The following FGF14 variants were observed in gnomAD, a reference collection of about 807,000 sequenced individuals.
FGF14 encodes fibroblast growth factor homologous factor 4.
In FGF14, 5 loss-of-function variants were observed where a neutral mutation model predicts 25.5. The ratio of observed to expected loss-of-function variants is 0.20; its 90% CI spans 0.10 to 0.41. The LOEUF is 0.41. FGF14 is among the 10% of genes least tolerant of loss of function. FGF14 has a pLI of 1.00. For missense variants in FGF14, 222 were observed against 320.1 expected (o/e 0.69, Z 2.34); for synonymous variants, 138 against 118.3 (o/e 1.17, Z -1.08).
At chr13:102,125,235 T>C (rs1209924528) in intron 1 of FGF14, among the ~76,000 whole-genome samples, 1 of 152,210 alleles carries the variant, frequency 6.6e-6, no homozygotes. Flanking sequence ...CTCCAATTTG[T>C]TAGTCAATTA....
intron 1 of FGF14, among the ~76,000 whole-genome samples, chr13:102,274,899 T>TAATAAATA (rs953397155): frequency 1.3e-5 from 2 of 151,134 alleles, no homozygotes; most frequent in African/African-American, 4.8e-5. Context: ...ATTTAATAAA[T>TAATAAATA]AATAAATAAT....
intron 1 of FGF14, among the ~76,000 whole-genome samples, chr13:102,376,855 A>C (rs2139145247): frequency 6.6e-6 from 1 of 152,282 alleles, no homozygotes; most frequent in Admixed American, 6.5e-5. Context: ...CATGTTTTCC[A>C]ATGATATTCC....
At chr13:101,806,526 C>T (rs528917484) in intron 3 of FGF14, among the ~76,000 whole-genome samples, 64 of 149,540 alleles carry the variant, frequency 4.3e-4, no homozygotes, top group African/African-American at 1.6e-3. Flanking sequence ...ATTAAAAAAT[C>T]ATCTTAGCAT....
intron 3 of FGF14, among the ~76,000 whole-genome samples, chr13:101,859,944 C>A (rs1042785673): frequency 6.6e-6 from 1 of 152,000 alleles, no homozygotes; most frequent in African/African-American, 2.4e-5. Flanking sequence ...ACAGTTTTAT[C>A]TATTTTTATT....
chr13:102,047,108 A>G (rs534208542), intron 1 of FGF14, among the ~76,000 whole-genome samples: 2 of 152,336 alleles, frequency 1.3e-5, no homozygotes, highest in South Asian at 4.1e-4. Flanking sequence ...AAACTGAATA[A>G]ATAGTATATT....
chr13:101,734,749 G>A (rs2036059147), intron 3 of FGF14, among the ~76,000 whole-genome samples: 1 of 152,094 alleles, frequency 6.6e-6, no homozygotes, highest in South Asian at 2.1e-4. Flanking sequence ...CGTATGGGAT[G>A]ACACTATTAT....
intron 3 of FGF14, among the ~76,000 whole-genome samples, chr13:101,804,620 A>T (rs996563718): frequency 1.3e-5 from 2 of 152,160 alleles, no homozygotes; most frequent in Non-Finnish European, 2.9e-5. Flanking sequence ...GTGGGAAGGC[A>T]CATTTAAATT....
chr13:102,063,270 T>C (rs1354555267), intron 1 of FGF14, among the ~76,000 whole-genome samples: 1 of 152,214 alleles, frequency 6.6e-6, no homozygotes, highest in Non-Finnish European at 1.5e-5. Flanking sequence ...AATATTGATA[T>C]ATTCCTATTT....
intron 1 of FGF14, among the ~76,000 whole-genome samples, chr13:101,933,420 T>A (rs2034894243): frequency 6.6e-6 from 1 of 152,190 alleles, no homozygotes; most frequent in African/African-American, 2.4e-5. Context: ...ACAGAATTAC[T>A]GTTATTAATA....
chr13:102,375,373 C>A (rs983063489), intron 1 of FGF14, among the ~76,000 whole-genome samples: 2 of 152,138 alleles, frequency 1.3e-5, no homozygotes, highest in African/African-American at 4.8e-5. Flanking sequence ...ATCAAATCAG[C>A]CAGTATATAG....
At chr13:102,142,920 T>G (rs547829219) in intron 1 of FGF14, among the ~76,000 whole-genome samples, 1 of 152,156 alleles carries the variant, frequency 6.6e-6, no homozygotes, top group African/African-American at 2.4e-5. Context: ...GCTTTTATTC[T>G]CTTTTTAAAA....
rs147793767 is a variant in FGF14, at chr13:101,762,925, C to G, written c.409-36115G>C. 5.0e-3 allele frequency among the ~76,000 whole-genome samples: 762 copies of G among 152,262 alleles called. 6 individuals carry two copies. Among genetic ancestry groups the G allele is most frequent in the African/African-American group, 0.017 (705 of 41,532 alleles). On this transcript the variant is annotated intron_variant, in intron 3 of 4. Transcript: ENST00000376143. ...GGTTGTATTTAGGCAGGCTCTGACA[C>G]TGCCATAGGGAATATCAGTGCTGCA... is the stretch of plus-strand genomic sequence containing the variant.
At chr13:102,133,253 T>A (rs1274877039) in intron 1 of FGF14, among the ~76,000 whole-genome samples, 1 of 152,240 alleles carries the variant, frequency 6.6e-6, no homozygotes, top group African/African-American at 2.4e-5. Context: ...TCATAGTTAT[T>A]ATATACAATT....
intron 1 of FGF14, among the ~76,000 whole-genome samples, chr13:102,231,440 A>G (rs2051079195): frequency 1.3e-5 from 2 of 152,210 alleles, no homozygotes; most frequent in Admixed American, 1.3e-4. Context: ...TAGAAATGAG[A>G]AAAATCATTT....
chr13:102,309,641 G>A (rs1266949951), intron 1 of FGF14, among the ~76,000 whole-genome samples: 1 of 152,188 alleles, frequency 6.6e-6, no homozygotes, highest in African/African-American at 2.4e-5. Flanking sequence ...AAAATCGGAT[G>A]AGCACTGAAA....
In FGF14 at chr13:101,916,686, G is replaced by A. The variant is rs1212596300; in HGVS notation, c.-41C>T. The stretch of plus-strand genomic sequence containing the variant: ...GGGTCCGGGGAGGGAGGGCGCGGGA[G>A]GACGGCGAGCCGGGGGCACCGGAGG... On this transcript the variant is annotated 5_prime_UTR_variant, in exon 1 of 5. Coordinates refer to ENST00000376143, the MANE Select transcript of FGF14 (RefSeq NM_004115.4). The A allele has an allele frequency of 1.4e-6, 2 of 1,459,482 alleles. No homozygotes were observed. Among genetic ancestry groups the A allele is most frequent in the Non-Finnish European group, 1.8e-6 (2 of 1,103,760 alleles). The allele number at this position is 1,459,482 out of a possible 1,614,324, so 90.4% of individuals were successfully genotyped here. A position where few individuals can be genotyped will look rare whatever the true frequency, so the allele number is the denominator to read the frequency against.
chr13:102,069,823 C>G (rs1422776363), intron 1 of FGF14, among the ~76,000 whole-genome samples: 2 of 152,154 alleles, frequency 1.3e-5, no homozygotes, highest in African/African-American at 2.4e-5. Context: ...AAGAACCCAC[C>G]AATTCCAGAC....
chr13:101,741,546 G>T (rs1594092982), intron 3 of FGF14, among the ~76,000 whole-genome samples: 1 of 151,362 alleles, frequency 6.6e-6, no homozygotes, highest in East Asian at 1.9e-4. Context: ...TATGAGATAT[G>T]GTTCTTACTG....
chr13:102,048,573 T>C (rs2042091291), intron 1 of FGF14, among the ~76,000 whole-genome samples: 1 of 152,126 alleles, frequency 6.6e-6, no homozygotes, highest in East Asian at 1.9e-4. Context: ...CAGTTCCAAA[T>C]CCAGAATTAA....
Sources: gnomAD v4.1 joint callset for allele counts (sites outside exome capture counted in the v4.1 genomes callset) on GRCh38, gnomAD v4.1.1 for gene constraint, MANE v1.5 for transcripts, NCBI Gene and HGNC (gene_info 2026-07-23, HGNC 2026-07-21) for gene names.